Variants in STAB2 observed in about 807,000 individuals in gnomAD.
The protein encoded by STAB2 is stabilin 2.
In STAB2, 288 loss-of-function variants were observed where a neutral mutation model predicts 338.1. The ratio of observed to expected loss-of-function variants is 0.85; its 90% confidence interval spans 0.77 to 0.94. STAB2 has a LOEUF of 0.94. Among genes scored for constraint, STAB2 ranks in the 40% least tolerant of loss-of-function variants. The pLI is 0.00. For synonymous variants in STAB2, 1,202 were observed against 1,193.3 expected (o/e 1.01, Z -0.15); for missense variants, 3,141 against 3,210.1 (o/e 0.98, Z 0.52).
intron 61 of STAB2, 117 bp downstream of exon 61, chr12:103,753,470 C>A: frequency 7.2e-7 from 1 of 1,391,442 alleles, no homozygotes; most frequent in African/African-American, 1.4e-5. Flanking sequence ...GTGCAGGTAG[C>A]TCCTGGAACA....
intron 5 of STAB2, among the ~76,000 whole-genome samples, chr12:103,628,609 C>A (rs979349334): frequency 1.3e-5 from 2 of 152,136 alleles, no homozygotes; most frequent in East Asian, 3.9e-4. Flanking sequence ...TCTGGTAGCC[C>A]CAGCTGTTTT....
intron 12 of STAB2, among the ~76,000 whole-genome samples, chr12:103,653,958 G>GTGGA (rs143880101): frequency 0.22 from 30,909 of 142,460 alleles, 3,491 homozygotes; most frequent in South Asian, 0.4. Flanking sequence ...GCATGGATAG[G>GTGGA]TGGATGGATG....
At chr12:103,702,480 T>C (rs1397676609) in intron 34 of STAB2, among the ~76,000 whole-genome samples, 1 of 151,972 alleles carries the variant, frequency 6.6e-6, no homozygotes, top group Non-Finnish European at 1.5e-5. Context: ...TTTGTATTTT[T>C]AGTAGAGACG....
intron 3 of STAB2, among the ~76,000 whole-genome samples, chr12:103,596,971 A>G (rs912786049): frequency 2.4e-4 from 37 of 151,436 alleles, no homozygotes; most frequent in East Asian, 1.6e-3. Context: ...AAAAAAAAAA[A>G]AAAAAAAGAG....
At chr12:103,606,767 G>T (rs891329209) in intron 3 of STAB2, among the ~76,000 whole-genome samples, 1 of 152,244 alleles carries the variant, frequency 6.6e-6, no homozygotes, top group South Asian at 2.1e-4. Flanking sequence ...GGTGGATCAC[G>T]AGGTCAGGAG....
At chr12:103,729,968 A>G (rs1881504803) in intron 48 of STAB2, 148 bp from the exon 49 acceptor site, 3 of 671,224 alleles carry the variant, frequency 4.5e-6, no homozygotes, top group South Asian at 3.1e-5. Context: ...TCACTTTATA[A>G]TCATAATAAA....
chr12:103,600,500 C>T (rs573219494), intron 3 of STAB2, among the ~76,000 whole-genome samples: 10 of 152,332 alleles, frequency 6.6e-5, no homozygotes, highest in African/African-American at 2.4e-4. Context: ...ATACTGATCC[C>T]ATCACAGAGA....
intron 5 of STAB2, among the ~76,000 whole-genome samples, chr12:103,623,411 A>C (rs924029174): frequency 1.3e-5 from 2 of 152,166 alleles, no homozygotes. Context: ...TTAGGATAAG[A>C]GATTATCCTG....
intron 9 of STAB2, among the ~76,000 whole-genome samples, chr12:103,643,237 C>T (rs2138703080): frequency 6.6e-6 from 1 of 152,176 alleles, no homozygotes; most frequent in South Asian, 2.1e-4. Flanking sequence ...TATTATACCT[C>T]CCAAAGGCCA....
chr12:103,597,875 A>C (rs1417202101), intron 3 of STAB2, among the ~76,000 whole-genome samples: 1 of 152,224 alleles, frequency 6.6e-6, no homozygotes, highest in Non-Finnish European at 1.5e-5. Context: ...ACCCAAACTC[A>C]GTTGTAGACA....
At chr12:103,605,705 A>G (rs965795532) in intron 3 of STAB2, among the ~76,000 whole-genome samples, 1 of 152,012 alleles carries the variant, frequency 6.6e-6, no homozygotes, top group African/African-American at 2.4e-5. Flanking sequence ...TTCCATTAAC[A>G]TTATGAAATG....
At chr12:103,744,771 C>A (rs1882880867) in intron 56 of STAB2, among the ~76,000 whole-genome samples, 1 of 152,146 alleles carries the variant, frequency 6.6e-6, no homozygotes, top group Non-Finnish European at 1.5e-5. Context: ...CCACACCCAG[C>A]CAAAATTTTA....
chr12:103,611,783 G>A (rs1386092447), intron 3 of STAB2, among the ~76,000 whole-genome samples: 1 of 152,102 alleles, frequency 6.6e-6, no homozygotes. Flanking sequence ...TCCTAGCCTC[G>A]ATGGTCTTTA....
chr12:103,766,203 C>A, intron 68 of STAB2, 83 bp from the exon 69 acceptor site: 1 of 1,564,658 alleles, frequency 6.4e-7, no homozygotes, highest in Non-Finnish European at 8.8e-7. Flanking sequence ...AGAGTCATGC[C>A]TCAGACCAGT....
At chr12:103,661,808 A>G (rs1194463071) in intron 17 of STAB2, among the ~76,000 whole-genome samples, 1 of 152,194 alleles carries the variant, frequency 6.6e-6, no homozygotes, top group South Asian at 2.1e-4. Flanking sequence ...GGGCTGTGTG[A>G]GGAACAGCAA....
intron 65 of STAB2, among the ~76,000 whole-genome samples, chr12:103,761,003 C>CTGCT (rs200348409): frequency 4.1e-5 from 2 of 48,822 alleles, no homozygotes; most frequent in East Asian, 1.2e-3. Flanking sequence ...ATGGGGTTTG[C>CTGCT]TACTTCCTGG....
At chr12:103,743,533 C>T (rs530173147) in intron 56 of STAB2, among the ~76,000 whole-genome samples, 2 of 152,230 alleles carry the variant, frequency 1.3e-5, no homozygotes, top group South Asian at 4.2e-4. Flanking sequence ...CTAACAGACG[C>T]AAGGGGACCA....
intron 55 of STAB2, among the ~76,000 whole-genome samples, chr12:103,741,960 G>A (rs1882621265): frequency 1.3e-5 from 2 of 152,176 alleles, no homozygotes; most frequent in Admixed American, 1.3e-4. Flanking sequence ...GACCATTCAT[G>A]AAAATCAGTA....
chr12:103,763,564 A>C lies in STAB2; in HGVS notation c.7561A>C (p.Ser2521Arg). 1.2e-6 allele frequency: 2 copies of C among 1,614,064 alleles called. No homozygotes were observed. The highest frequency in any genetic ancestry group is 8.5e-7 in the Non-Finnish European group (1 of 1,179,982). Residue 2521 changes from serine (S) to arginine (R), a missense_variant, in exon 68 of 69, where the codon AGC (serine) becomes CGC (arginine). By Grantham distance (110) the Ser-to-Arg change is moderately radical (BLOSUM62 -1). Transcript: ENST00000388887. The part of the protein sequence containing the change: ...PENISNPLYE[S>R]TTSAPPEPSY... ...GAATATCTCGAACCCCTTGTATGAG[A>C]GCACAACCTCAGCTCCCCCAGAACC... is the stretch of plus-strand genomic sequence containing the variant.
Sources: allele counts gnomAD v4.1 joint callset (sites outside exome capture counted in the v4.1 genomes callset), GRCh38; gene constraint gnomAD v4.1.1; transcripts MANE v1.5; gene names NCBI Gene and HGNC (gene_info 2026-07-23, HGNC 2026-07-21).